MAP3K7: variants seen among roughly 807,000 people sequenced by gnomAD.
The protein encoded by MAP3K7 is mitogen-activated protein kinase kinase kinase 7.
A neutral mutation model predicts 84.8 loss-of-function variants in MAP3K7; 21 were observed. The ratio of observed to expected loss-of-function variants is 0.25; its 90% CI spans 0.18 to 0.36. The LOEUF is 0.36. Ranked by LOEUF, MAP3K7 falls within the 10% of genes least tolerant of loss-of-function variation. MAP3K7 has a pLI of 1.00. For missense variants in MAP3K7, 503 were observed against 747.7 expected (o/e 0.67, Z 3.82); for synonymous variants, 241 against 247.7 (o/e 0.97, Z 0.25).
intron 12 of MAP3K7, among the ~76,000 whole-genome samples, chr6:90,540,772 T>C (rs369148768): frequency 5.3e-5 from 8 of 152,100 alleles, no homozygotes; most frequent in African/African-American, 1.9e-4. Context: ...CTTTCTTAAC[T>C]ACTTATTCTC....
At chr6:90,517,515 A>G (rs1334961066) in intron 16 of MAP3K7, among the ~76,000 whole-genome samples, 2 of 151,830 alleles carry the variant, frequency 1.3e-5, no homozygotes, top group African/African-American at 4.8e-5. Flanking sequence ...CTTCTTTCAA[A>G]TGATTAAAGT....
chr6:90,575,748 C>T (rs1366412985), intron 1 of MAP3K7, among the ~76,000 whole-genome samples: 2 of 152,110 alleles, frequency 1.3e-5, no homozygotes, highest in Non-Finnish European at 2.9e-5. Flanking sequence ...AAGGCCTGGT[C>T]AGCAAGCAGG....
intron 13 of MAP3K7, among the ~76,000 whole-genome samples, chr6:90,526,216 C>A (rs534077814): frequency 6.6e-6 from 1 of 152,234 alleles, no homozygotes; most frequent in East Asian, 1.9e-4. Context: ...AAAACACACA[C>A]AGTAAAACTT....
intron 13 of MAP3K7, among the ~76,000 whole-genome samples, chr6:90,529,985 C>T (rs1176429161): frequency 6.6e-6 from 1 of 152,188 alleles, no homozygotes; most frequent in Non-Finnish European, 1.5e-5. Flanking sequence ...CAACGACATA[C>T]ACCAAAGAAA....
intron 1 of MAP3K7, among the ~76,000 whole-genome samples, chr6:90,572,547 C>A (rs1290506406): frequency 6.6e-6 from 1 of 151,098 alleles, no homozygotes; most frequent in Middle Eastern, 3.4e-3. Flanking sequence ...TAGCTGGTAT[C>A]CTGACAAAGT....
At chr6:90,529,077 C>T (rs1775413427) in intron 13 of MAP3K7, among the ~76,000 whole-genome samples, 2 of 152,140 alleles carry the variant, frequency 1.3e-5, no homozygotes, top group African/African-American at 2.4e-5. Context: ...TGTTTGAGGA[C>T]ATGGAGTGCC....
At chr6:90,557,109 C>T (rs1450653333) in intron 5 of MAP3K7, among the ~76,000 whole-genome samples, 1 of 152,118 alleles carries the variant, frequency 6.6e-6, no homozygotes, top group African/African-American at 2.4e-5. Flanking sequence ...AATGTTCAAT[C>T]CCAAAACCAT....
At chr6:90,561,692 AT>A in intron 3 of MAP3K7, 25 bp from the exon 4 acceptor site, 1 of 1,570,504 alleles carries the variant, frequency 6.4e-7, no homozygotes, top group Non-Finnish European at 8.8e-7. Context: ...TATCAGAAGC[AT>A]TAACCAAGAA....
At chr6:90,567,699 C>A (rs1218260037) in intron 3 of MAP3K7, among the ~76,000 whole-genome samples, 1 of 152,166 alleles carries the variant, frequency 6.6e-6, no homozygotes, top group African/African-American at 2.4e-5. Context: ...TTGACTCAGC[C>A]ATCCCACTAC....
Position 90,572,717 on chromosome 6 carries a change from A to C in MAP3K7, c.121-910T>G, listed in dbSNP as rs35649858. Among the ~76,000 whole-genome samples, 1,209 of 152,278 alleles carry C rather than the reference A, an allele frequency of 7.9e-3. 16 individuals are homozygous for C. Among genetic ancestry groups the C allele is most frequent in the African/African-American group, 0.027 (1,131 of 41,566 alleles). ...CAGTTATTTTTCAAAAGTCATAAAA[A>C]TAAAGATCAGACATGTATCATACTA... On this transcript the variant is annotated intron_variant, in intron 1 of 16. Transcript: ENST00000369329.
intron 13 of MAP3K7, among the ~76,000 whole-genome samples, chr6:90,534,871 G>C (rs1775616445): frequency 6.6e-6 from 1 of 152,124 alleles, no homozygotes; most frequent in Admixed American, 6.6e-5. Context: ...AAAAGGCTGA[G>C]CTCATCAAAC....
intron 1 of MAP3K7, among the ~76,000 whole-genome samples, chr6:90,572,441 T>C (rs1668085802): frequency 6.6e-6 from 1 of 152,050 alleles, no homozygotes; most frequent in African/African-American, 2.4e-5. Context: ...AGACCACATA[T>C]TGTATGATTC....
intron 11 of MAP3K7, among the ~76,000 whole-genome samples, chr6:90,546,758 TA>T (rs1562091971): frequency 6.6e-6 from 1 of 152,154 alleles, no homozygotes; most frequent in Non-Finnish European, 1.5e-5. Flanking sequence ...ATTTTACAAT[TA>T]AAAAAATTAA....
At chr6:90,561,761 A>AT (rs1241898692) in intron 3 of MAP3K7, 94 bp from the exon 4 acceptor site, 146 of 872,744 alleles carry the variant, frequency 1.7e-4, no homozygotes, top group Non-Finnish European at 2.6e-4. Context: ...GATTTTATAG[A>AT]TATATTAAAA....
chr6:90,533,001 A>C (rs1775555254), intron 13 of MAP3K7, among the ~76,000 whole-genome samples: 1 of 152,220 alleles, frequency 6.6e-6, no homozygotes, highest in African/African-American at 2.4e-5. Flanking sequence ...AAACCTGGTT[A>C]TAGGAATTAC....
In MAP3K7 at chr6:90,516,547, A is replaced by C; in HGVS notation, c.1775T>G (p.Leu592Arg). The C allele has an allele frequency of 3.1e-6, 5 of 1,612,528 alleles. No individual in the cohort carries two copies. Among genetic ancestry groups the C allele is most frequent in the Non-Finnish European group, 4.2e-6 (5 of 1,179,020 alleles). The change falls in exon 17 of 17, where the codon CTA becomes CGA. Residue 592 changes from leucine (L) to arginine (R), a missense_variant. Leu to Arg is a moderately radical substitution (Grantham distance 102). Coordinates refer to ENST00000369329, the MANE Select transcript of MAP3K7 (RefSeq NM_145331.3). The part of the protein sequence containing the change: ...STYYQQCKKQ[L>R]EVIRSQQQKR... ...CTGCTGCTGACTTCTGATGACCTCTAGTTGTTTTTTGCATTGCTGGTAGTA... is the reference window on the plus strand; with the variant it reads ...CTGCTGCTGACTTCTGATGACCTCTCGTTGTTTTTTGCATTGCTGGTAGTA...
In MAP3K7 at chr6:90,523,410, C is replaced by T. The variant is rs150126; in HGVS notation, c.1462+268G>A. On this transcript the variant is annotated intron_variant, in intron 14 of 16. Transcript: ENST00000369329. Reference sequence around the variant, plus strand: ...AGGCTGAAGTATCAAGAATTCAATACGCTTCGCAACTGGAAAAAAACCCCA... The same window carrying T: ...AGGCTGAAGTATCAAGAATTCAATATGCTTCGCAACTGGAAAAAAACCCCA... 0.71 allele frequency among the ~76,000 whole-genome samples: 107,386 copies of T among 151,578 alleles called. 38,368 individuals carry two copies. Among genetic ancestry groups the T allele is most frequent in the Middle Eastern group, 0.8 (234 of 294 alleles).
intron 13 of MAP3K7, among the ~76,000 whole-genome samples, chr6:90,534,616 T>C (rs1264983959): frequency 2.0e-5 from 3 of 152,112 alleles, no homozygotes; most frequent in Admixed American, 6.6e-5. Context: ...CCTGAAGGTA[T>C]TGTGAATTAA....
chr6:90,532,627 C>A (rs1307489294), intron 13 of MAP3K7, among the ~76,000 whole-genome samples: 1 of 152,160 alleles, frequency 6.6e-6, no homozygotes, highest in East Asian at 1.9e-4. Context: ...TAAGAGAATT[C>A]TTGAATATAG....
Sources: gnomAD v4.1 joint callset for allele counts (sites outside exome capture counted in the v4.1 genomes callset) on GRCh38, gnomAD v4.1.1 for gene constraint, MANE v1.5 for transcripts, NCBI Gene and HGNC (gene_info 2026-07-23, HGNC 2026-07-21) for gene names.